Variants in CCDC62 observed in about 807,000 individuals in gnomAD.
The protein encoded by CCDC62 is coiled-coil domain-containing protein 62.
Under a neutral mutation model 80.8 loss-of-function variants are expected in CCDC62, and 72 were observed. The observed-to-expected ratio is 0.89, with a 90% CI of 0.74 to 1.08. The LOEUF (loss-of-function observed/expected upper bound fraction) is 1.08, where lower values mean the gene tolerates loss of function less well. Ranked by LOEUF, CCDC62 falls within the 50% of genes least tolerant of loss-of-function variation. CCDC62 has a pLI of 0.00. For missense variants in CCDC62, 704 were observed against 809.4 expected, an observed-to-expected ratio of 0.87 and a Z score of 1.58; for synonymous variants, 286 against 296.5, an observed-to-expected ratio of 0.96 and a Z score of 0.36.
At chr12:122,785,589 C>A (rs1375770277) in intron 3 of CCDC62, 130 bp from the exon 4 acceptor site, 1 of 690,246 alleles carries the variant, frequency 1.4e-6, no homozygotes, top group Non-Finnish European at 2.6e-6. Flanking sequence ...CCATTACCAA[C>A]TCTTTTTTGT....
intron 11 of CCDC62, among the ~76,000 whole-genome samples, chr12:122,823,070 CCCA>C (rs1239966283): frequency 6.6e-6 from 1 of 152,186 alleles, no homozygotes; most frequent in African/African-American, 2.4e-5. Flanking sequence ...AAGCAATTCT[CCCA>C]CCTCAGCTTC....
At chr12:122,794,741 C>T (rs2030831381) in intron 6 of CCDC62, among the ~76,000 whole-genome samples, 2 of 152,110 alleles carry the variant, frequency 1.3e-5, no homozygotes, top group South Asian at 4.1e-4. Flanking sequence ...ACTGCAGCCT[C>T]GACTGTCTGG....
At chr12:122,814,627 C>A (rs2135584605) in intron 11 of CCDC62, among the ~76,000 whole-genome samples, 1 of 151,366 alleles carries the variant, frequency 6.6e-6, no homozygotes, top group African/African-American at 2.4e-5. Flanking sequence ...CCTGTTTCAG[C>A]CTCCCAAGTA....
chr12:122,805,702 G>C (rs1212957033), intron 9 of CCDC62, among the ~76,000 whole-genome samples: 2 of 151,940 alleles, frequency 1.3e-5, no homozygotes, highest in African/African-American at 4.8e-5. Flanking sequence ...TTTTAGTAGA[G>C]ACGGGGTTTC....
intron 11 of CCDC62, 137 bp from the exon 12 acceptor site, chr12:122,823,228 TG>T: frequency 1.6e-6 from 1 of 630,410 alleles, no homozygotes; most frequent in Non-Finnish European, 2.9e-6. Context: ...CCCAAAGTGC[TG>T]GGATTATAGG....
intron 4 of CCDC62, among the ~76,000 whole-genome samples, chr12:122,788,392 C>T (rs906160406): frequency 1.3e-5 from 2 of 152,142 alleles, no homozygotes; most frequent in Non-Finnish European, 2.9e-5. Context: ...GGGCCACCCA[C>T]CCTCTTGCTG....
rs369870434 is a variant in CCDC62, at chr12:122,801,721, C to T, written c.1575C>T (p.Ala525=). The T allele has an allele frequency of 1.1e-5, 17 of 1,613,978 alleles. No homozygotes were observed. In the African/African-American group the frequency reaches 1.2e-4, roughly 11 times the overall value. The change falls in exon 9 of 13, where the codon GCC becomes GCT. Residue 525 remains alanine, a synonymous_variant. Transcript: ENST00000253079. The part of the protein sequence containing the change: ...CCHPSNFIIE[A]PGHMSDVEWM... ...ACCCGAGTAACTTCATAATTGAAGC[C>T]CCAGGCCACATGTCTGACGTGGAGT...
chr12:122,806,404 G>GT (rs34775544), intron 10 of CCDC62, 109 bp downstream of exon 10: 7,691 of 437,360 alleles, frequency 0.018, 76 homozygotes, highest in African/African-American at 0.049. Context: ...CTATTCCTCC[G>GT]TTTTTTTTTT....
chr12:122,801,247 G>T lies in CCDC62; in HGVS notation c.1101G>T (p.Arg367Ser). The change falls in exon 9 of 13, where the codon AGG (arginine) becomes AGT (serine). Residue 367 changes from arginine to serine, a missense_variant. Transcript: ENST00000253079. Reference protein sequence around the residue: ...KFEAMLVQQNRSDKSSCDECK... With the variant: ...KFEAMLVQQNSSDKSSCDECK... ...AAGCCATGTTGGTTCAGCAAAATAG[G>T]TCAGACAAGAGCTCTTGCGATGAAT... is the stretch of plus-strand genomic sequence containing the variant. The T allele has an allele frequency of 6.2e-7, 1 of 1,614,106 alleles. No homozygotes were observed. The highest frequency in any genetic ancestry group is 8.5e-7 in the Non-Finnish European group (1 of 1,180,012).
Position 122,797,345 on chromosome 12 carries a change from G to T in CCDC62, c.811G>T (p.Ala271Ser), listed in dbSNP as rs146255239. The T allele has an allele frequency of 1.1e-5, 17 of 1,597,964 alleles. No homozygotes were observed. The African/African-American group carries it at 2.3e-4, about 21-fold the overall frequency. ...GAGGAAAGATGAATTGCTTAATATT[G>T]CGAAGTCAAAGCAAGAACGCACAAA... ...EKRKDELLNI[A>S]KSKQERTNSE... Residue 271 changes from alanine to serine, a missense_variant, in exon 7 of 13, where the codon GCG becomes TCG. Coordinates refer to ENST00000253079, the MANE Select transcript of CCDC62 (RefSeq NM_201435.5).
In CCDC62 at chr12:122,801,226, C is replaced by T. The variant is rs1490582961; in HGVS notation, c.1080C>T (p.Ala360=). 1 of 1,613,866 alleles carries T rather than the reference C, an allele frequency of 6.2e-7. No homozygotes were observed. Among genetic ancestry groups the T allele is most frequent in the Non-Finnish European group, 8.5e-7 (1 of 1,180,020 alleles). Residue 360 remains alanine (A), a synonymous_variant, in exon 9 of 13, where the codon GCC becomes GCT. Coordinates refer to ENST00000253079, the MANE Select transcript of CCDC62 (RefSeq NM_201435.5). ...TGTTTAAGGACCAGAAATTTGAAGC[C>T]ATGTTGGTTCAGCAAAATAGGTCAG... The part of the protein sequence containing the change: ...KSLFKDQKFE[A]MLVQQNRSDK...
At chr12:122,791,704 C>T (rs2030617721) in intron 5 of CCDC62, among the ~76,000 whole-genome samples, 1 of 152,230 alleles carries the variant, frequency 6.6e-6, no homozygotes, top group South Asian at 2.1e-4. Context: ...CCGCCTTGGC[C>T]TCCCAAAGTG....
intron 4 of CCDC62, among the ~76,000 whole-genome samples, chr12:122,788,532 C>T (rs2030404904): frequency 6.6e-6 from 1 of 152,188 alleles, no homozygotes; most frequent in Non-Finnish European, 1.5e-5. Flanking sequence ...CACTAACTAG[C>T]TGTGTAACCG....
At chr12:122,792,761 G>T (rs896721170) in intron 6 of CCDC62, among the ~76,000 whole-genome samples, 1 of 151,934 alleles carries the variant, frequency 6.6e-6, no homozygotes, top group Non-Finnish European at 1.5e-5. Context: ...CAGATAATCC[G>T]CCCGCCTCAG....
chr12:122,806,417 T>C, intron 10 of CCDC62, 122 bp downstream of exon 10: 1 of 716,690 alleles, frequency 1.4e-6, no homozygotes, highest in Non-Finnish European at 2.2e-6. Flanking sequence ...TTTTTTTTTT[T>C]TTTTTTAATT....
At chr12:122,782,143 T>C (rs1381061081) in intron 3 of CCDC62, among the ~76,000 whole-genome samples, 1 of 151,976 alleles carries the variant, frequency 6.6e-6, no homozygotes, top group African/African-American at 2.4e-5. Context: ...AAGTCCAGCC[T>C]GGGCAACATA....
chr12:122,795,826 C>T (rs1164777260), intron 6 of CCDC62, among the ~76,000 whole-genome samples: 1 of 152,152 alleles, frequency 6.6e-6, no homozygotes, highest in Non-Finnish European at 1.5e-5. Flanking sequence ...TGTAGGTGAG[C>T]TCTTATAGAC....
chr12:122,775,772 C>A (rs973094489), intron 1 of CCDC62, among the ~76,000 whole-genome samples: 1 of 152,164 alleles, frequency 6.6e-6, no homozygotes, highest in African/African-American at 2.4e-5. Context: ...ACCACCATGC[C>A]GAGCTAATTT....
chr12:122,774,752 A>T (rs1302908456), intron 1 of CCDC62, 46 bp downstream of exon 1: 89 of 1,223,430 alleles, frequency 7.3e-5, no homozygotes, highest in Admixed American at 3.4e-4. Flanking sequence ...GGAACGGTGC[A>T]CATTGGTCGA....
Sources: gnomAD v4.1 joint callset for allele counts (sites outside exome capture counted in the v4.1 genomes callset) on GRCh38, gnomAD v4.1.1 for gene constraint, MANE v1.5 for transcripts, NCBI Gene and HGNC (gene_info 2026-07-23, HGNC 2026-07-21) for gene names.